Variants in PAICS observed in about 807,000 individuals in gnomAD.
PAICS encodes the protein bifunctional phosphoribosylaminoimidazole carboxylase/phosphoribosylaminoimidazole succinocarboxamide synthetase.
In PAICS, 33 loss-of-function variants were observed where a neutral mutation model predicts 53.7. The ratio of observed to expected loss-of-function variants is 0.61; its 90% CI spans 0.47 to 0.82. The LOEUF is 0.82. PAICS is among the 40% of genes least tolerant of loss of function. The probability of loss-of-function intolerance (pLI) is 0.00; values close to 1 mark genes in which losing one functional copy is unlikely to be tolerated. For synonymous variants in PAICS, 141 were observed against 167.2 expected, an observed-to-expected ratio of 0.84 and a Z score of 1.21; for missense variants, 394 against 494.1, an observed-to-expected ratio of 0.80 and a Z score of 1.92.
At position 56,453,757 on chromosome 4, in the gene PAICS, C is replaced by T; in HGVS notation, c.1107C>T (p.Pro369=). The change falls in exon 8 of 9, where the codon CCC becomes CCT. Residue 369 remains proline (P), a synonymous_variant. Transcript: ENST00000512576. ...VQDVWSSLRL[P]SGLGCSTVLS... is the part of the protein sequence containing the mutation. ...ATGTGTGGTCTTCTCTTCGACTACC[C>T]AGTGGTAAGATACATTGAATTTTTA... 6 of 1,542,014 alleles carry T rather than the reference C, an allele frequency of 3.9e-6. No homozygotes were observed. The highest frequency in any genetic ancestry group is 4.4e-6 in the Non-Finnish European group (5 of 1,138,990).
At chr4:56,449,545 C>T (rs1718790105) in intron 5 of PAICS, among the ~76,000 whole-genome samples, 1 of 152,098 alleles carries the variant, frequency 6.6e-6, no homozygotes, top group African/African-American at 2.4e-5. Flanking sequence ...ATAAATCATT[C>T]TACTGTAAAG....
intron 5 of PAICS, among the ~76,000 whole-genome samples, chr4:56,450,311 A>T (rs1180794991): frequency 6.6e-6 from 1 of 152,216 alleles, no homozygotes. Flanking sequence ...CACATTCTGC[A>T]CATGTATTTA....
chr4:56,417,862 G>GA, the PAICS span, among the ~76,000 whole-genome samples: 1 of 132,318 alleles, frequency 7.6e-6, no homozygotes, highest in Non-Finnish European at 1.6e-5. Context: ...TTTTTTTTGA[G>GA]ACAGAGTATT....
chr4:56,415,443 G>C, the PAICS span, among the ~76,000 whole-genome samples: 1 of 152,114 alleles, frequency 6.6e-6, no homozygotes, highest in Non-Finnish European at 1.5e-5. Context: ...AGTAGCCTAT[G>C]CCTCATTTTA....
chr4:56,414,782 G>T, the PAICS span, among the ~76,000 whole-genome samples: 1 of 152,178 alleles, frequency 6.6e-6, no homozygotes. Flanking sequence ...AAGCTCAGGT[G>T]TTAAATAACC....
Position 56,441,777 on chromosome 4 carries a change from C to T in PAICS, c.131C>T (p.Ala44Val). The T allele has an allele frequency of 6.2e-7, 1 of 1,603,676 alleles. No homozygotes were observed. The highest frequency in any genetic ancestry group is 8.5e-7 in the Non-Finnish European group (1 of 1,174,492). ...AAGGACCAGATTACAGCAGGAAATG[C>T]AGCTAGAAAAAACCACCTGGAAGGA... is the stretch of plus-strand genomic sequence containing the variant. ...QSKDQITAGN[A>V]ARKNHLEGKA... The change falls in exon 2 of 9, where the codon GCA becomes GTA. Residue 44 changes from alanine to valine, a missense_variant. Ala to Val is a moderately conservative substitution (Grantham distance 64, BLOSUM62 0). Around this residue, in one of 3 missense-constraint regions of PAICS, gnomAD observed 168 missense variants for 199.3 expected, o/e 0.84. Transcript: ENST00000512576.
At chr4:56,416,131 A>C in the PAICS span, among the ~76,000 whole-genome samples, 51,356 of 151,844 alleles carry the variant, frequency 0.34, 9,294 homozygotes, top group Non-Finnish European at 0.41. Context: ...AAAACTTAAA[A>C]AATTATCAAA....
chr4:56,415,655 CA>C, the PAICS span, among the ~76,000 whole-genome samples: 25 of 151,832 alleles, frequency 1.6e-4, no homozygotes, highest in Admixed American at 5.9e-4. Flanking sequence ...TCATACATGC[CA>C]AAAAAACAGC....
At chr4:56,431,754 T>C (rs1717594772), upstream of PAICS, among the ~76,000 whole-genome samples, 1 of 152,234 alleles carries the variant, frequency 6.6e-6, no homozygotes, top group Non-Finnish European at 1.5e-5. Flanking sequence ...GCCATTCTAG[T>C]CTCCATAAAA....
intron 1 of PAICS, among the ~76,000 whole-genome samples, chr4:56,436,765 C>T (rs1426328266): frequency 2.0e-5 from 3 of 152,162 alleles, no homozygotes; most frequent in Non-Finnish European, 4.4e-5. Flanking sequence ...GAGGCCAAGG[C>T]GGGCGGATCA....
chr4:56,433,702 T>G (rs1351660313), upstream of PAICS, among the ~76,000 whole-genome samples: 1 of 143,696 alleles, frequency 7.0e-6, no homozygotes, highest in African/African-American at 2.6e-5. Flanking sequence ...AACAACTGTT[T>G]TTTTTTTTTT....
intron 1 of PAICS, among the ~76,000 whole-genome samples, chr4:56,437,256 G>GGTGTGTGTGTGTGTGTGTGTGT (rs57161391): frequency 1.6e-5 from 2 of 124,308 alleles, no homozygotes; most frequent in African/African-American, 3.2e-5. Flanking sequence ...ATGCCATGAT[G>GGTGTGTGTGTGTGTGTGTGTGT]GTGTGTGTGT....
chr4:56,436,081 C>G (rs1441235298), upstream of PAICS: 8 of 1,481,550 alleles, frequency 5.4e-6, no homozygotes, highest in Non-Finnish European at 6.2e-6. Context: ...GGTCGCGTCT[C>G]TGCGCCTGCG....
chr4:56,459,535 A>AT lies in PAICS; in HGVS notation c.1276dup (p.Ter426LeufsTer17). 1.3e-6 allele frequency: 2 copies of AT among 1,546,684 alleles called. No homozygotes were observed. Among genetic ancestry groups the AT allele is most frequent in the South Asian group, 2.4e-5 (2 of 83,160 alleles). The stretch of plus-strand genomic sequence containing the variant: ...ACAAGAAAATCAGAGAATGTAATTT[A>AT]TAAGAAAGAATGCCATTGAATTTTT... On this transcript the variant is annotated frameshift_variant, in exon 9 of 9. Transcript: ENST00000512576. LOFTEE classifies it high-confidence loss of function.
intron 8 of PAICS, among the ~76,000 whole-genome samples, chr4:56,457,666 T>TG (rs992965605): frequency 6.7e-6 from 1 of 150,254 alleles, no homozygotes; most frequent in African/African-American, 2.4e-5. Context: ...AATTAAGTTT[T>TG]TTTTTTTTTT....
At chr4:56,412,951 A>C in the PAICS span, among the ~76,000 whole-genome samples, 1 of 152,236 alleles carries the variant, frequency 6.6e-6, no homozygotes, top group Admixed American at 6.5e-5. Flanking sequence ...CCCAAGATTA[A>C]TCATGGTCTA....
intron 5 of PAICS, among the ~76,000 whole-genome samples, chr4:56,449,868 C>T (rs895204312): frequency 4.0e-5 from 6 of 149,968 alleles, no homozygotes; most frequent in South Asian, 2.1e-4. Flanking sequence ...CCCAGCTTCT[C>T]GGAAGGCTGA....
chr4:56,441,567 T>A (rs1280171752), intron 1 of PAICS, 96 bp from the exon 2 acceptor site: 13 of 481,214 alleles, frequency 2.7e-5, no homozygotes, highest in Non-Finnish European at 3.0e-5. Flanking sequence ...TATTACTTAA[T>A]CACTGTATAT....
chr4:56,453,020 T>G (rs1045804228), intron 7 of PAICS, among the ~76,000 whole-genome samples: 3 of 152,172 alleles, frequency 2.0e-5, no homozygotes, highest in African/African-American at 7.2e-5. Flanking sequence ...AATTTTGGAT[T>G]CTAGGTTAAC....
Sources: gnomAD v4.1 joint callset for allele counts (sites outside exome capture counted in the v4.1 genomes callset) on GRCh38, gnomAD v4.1.1 for gene constraint, gnomAD v4.1.1 regional missense constraint, MANE v1.5 for transcripts, NCBI Gene and HGNC (gene_info 2026-07-23, HGNC 2026-07-21) for gene names.